GRIK3: variants seen among roughly 807,000 people sequenced by gnomAD.
GRIK3 encodes the protein glutamate receptor ionotropic, kainate 3.
Under a neutral mutation model 102.5 loss-of-function variants are expected in GRIK3, and 29 were observed. That is an observed-to-expected ratio of 0.28 (90% CI 0.21 to 0.39). The LOEUF is 0.39. Ranked by LOEUF, GRIK3 falls within the 10% of genes least tolerant of loss-of-function variation. The pLI is 1.00. For synonymous variants in GRIK3, 511 were observed against 504.9 expected (o/e 1.01, Z -0.16); for missense variants, 908 against 1,252.4 (o/e 0.73, Z 4.15).
At chr1:37,021,624 C>T (rs572140900) in intron 1 of GRIK3, among the ~76,000 whole-genome samples, 11 of 152,286 alleles carry the variant, frequency 7.2e-5, no homozygotes, top group Middle Eastern at 6.8e-3. Context: ...ACGGCTGTCA[C>T]CTCTATTAAA....
chr1:36,960,242 G>A (rs905902912), intron 1 of GRIK3, among the ~76,000 whole-genome samples: 2 of 148,598 alleles, frequency 1.3e-5, no homozygotes, highest in Non-Finnish European at 3.0e-5. Context: ...TGTGACCCAT[G>A]AGTCTGTGTG....
At chr1:36,966,793 C>T (rs189675613) in intron 1 of GRIK3, among the ~76,000 whole-genome samples, 15 of 152,180 alleles carry the variant, frequency 9.9e-5, no homozygotes, top group South Asian at 2.1e-4. Flanking sequence ...CATTCTCATA[C>T]TCATATGGAT....
intron 1 of GRIK3, among the ~76,000 whole-genome samples, chr1:36,951,599 T>C (rs1641844818): frequency 6.6e-6 from 1 of 152,180 alleles, no homozygotes. Context: ...GGCCCTGCAT[T>C]GGGGGACTGG....
At position 36,797,120 on chromosome 1, in the gene GRIK3, C is replaced by T. The variant is rs1642373609; in HGVS notation, c.*4731G>A. ...AGCTCTGATGTGTGGAGGGCCTTCG[C>T]CACCCCAAGGGGCTCTCTGAGACCT... On this transcript the variant is annotated 3_prime_UTR_variant, in exon 16 of 16. Coordinates refer to ENST00000373091, the MANE Select transcript of GRIK3 (RefSeq NM_000831.4). 6.6e-6 allele frequency: 1 copy of T among 151,682 alleles called. No individual in the cohort carries two copies. The highest frequency in any genetic ancestry group is 1.5e-5 in the Non-Finnish European group (1 of 67,996). The allele number at this position is 151,682 out of a possible 1,614,324, so 9.4% of individuals were successfully genotyped here.
intron 1 of GRIK3, among the ~76,000 whole-genome samples, chr1:37,026,338 G>A (rs59504622): frequency 0.014 from 2,191 of 152,192 alleles, 53 homozygotes; most frequent in African/African-American, 0.05. Context: ...AGACTGCTAG[G>A]CCCACCAACT....
chr1:36,859,378 G>T, intron 6 of GRIK3, 127 bp from the exon 7 acceptor site: 1 of 1,014,778 alleles, frequency 9.9e-7, no homozygotes, highest in Non-Finnish European at 1.4e-6. Context: ...AGGCCCAGAG[G>T]CCCTGGAGGT....
chr1:37,004,122 A>C (rs1642507267), intron 1 of GRIK3, among the ~76,000 whole-genome samples: 1 of 152,164 alleles, frequency 6.6e-6, no homozygotes, highest in African/African-American at 2.4e-5. Context: ...TTCTAAAAAA[A>C]ACCCCACACA....
At chr1:36,942,408 T>C (rs192854043) in intron 1 of GRIK3, among the ~76,000 whole-genome samples, 186 of 152,314 alleles carry the variant, frequency 1.2e-3, no homozygotes, top group African/African-American at 4.3e-3. Context: ...CAAAGGCTCC[T>C]CTGGTAAAGA....
At chr1:36,833,256 C>T (rs948120835) in intron 10 of GRIK3, among the ~76,000 whole-genome samples, 4 of 152,198 alleles carry the variant, frequency 2.6e-5, no homozygotes, top group African/African-American at 9.7e-5. Flanking sequence ...GATCCTGTCC[C>T]CTGCCTGCCT....
rs1240901812 is a variant in GRIK3, at chr1:36,806,409, G to T, written c.2092-83C>A. The stretch of plus-strand genomic sequence containing the variant: ...GCACCGCATACCCTGCACAACGTGG[G>T]TTGGGGCCTTGAACTCGGTCTACAA... On this transcript the variant is annotated intron_variant, in intron 13 of 15. Coordinates refer to ENST00000373091, the MANE Select transcript of GRIK3 (RefSeq NM_000831.4). The surrounding 1 kb of genome is among the most constrained non-coding windows in gnomAD (Gnocchi z 4.0). 2 of 806,850 alleles carry T rather than the reference G, an allele frequency of 2.5e-6. No individual in the cohort carries two copies. Among genetic ancestry groups the T allele is most frequent in the South Asian group, 3.3e-5 (2 of 60,486 alleles). The allele number at this position is 806,850 out of a possible 1,614,324, so 50.0% of individuals were successfully genotyped here. A position where few individuals can be genotyped will look rare whatever the true frequency, so the allele number is the denominator to read the frequency against.
rs1417520917 is a variant in GRIK3 at position 37,018,665 on chromosome 1, A to G, written c.115+15329T>C. ...GGCCTCAGATCCAGGATCAGGGAGC[A>G]AAGTCACTTGTAGAAAAAGCCACCT... On this transcript the variant is annotated intron_variant, in intron 1 of 15. Transcript: ENST00000373091. 2.0e-5 allele frequency among the ~76,000 whole-genome samples: 3 copies of G among 152,316 alleles called. No homozygotes were observed. The East Asian group carries it at 5.8e-4, about 29-fold the overall frequency.
At chr1:36,947,951 T>G (rs1418101934) in intron 1 of GRIK3, among the ~76,000 whole-genome samples, 1 of 152,118 alleles carries the variant, frequency 6.6e-6, no homozygotes, top group Non-Finnish European at 1.5e-5. Context: ...GCCTTTGCAC[T>G]TTTGCTGACT....
intron 1 of GRIK3, among the ~76,000 whole-genome samples, chr1:36,901,293 T>G (rs1274824313): frequency 6.6e-6 from 1 of 152,156 alleles, no homozygotes; most frequent in African/African-American, 2.4e-5. Flanking sequence ...AACAAAAAGT[T>G]AGCAAATTGA....
chr1:36,908,987 C>T (rs1641315834), intron 1 of GRIK3, among the ~76,000 whole-genome samples: 1 of 152,180 alleles, frequency 6.6e-6, no homozygotes, highest in Non-Finnish European at 1.5e-5. Context: ...ATGCCTTCCA[C>T]TCACTACATT....
intron 1 of GRIK3, among the ~76,000 whole-genome samples, chr1:37,025,213 A>G (rs981391730): frequency 2.6e-5 from 4 of 152,158 alleles, no homozygotes; most frequent in African/African-American, 9.7e-5. Context: ...TTCCCATTAC[A>G]GGTGGCATTC....
chr1:36,931,958 C>T (rs1641595546), intron 1 of GRIK3, among the ~76,000 whole-genome samples: 1 of 152,202 alleles, frequency 6.6e-6, no homozygotes, highest in Admixed American at 6.5e-5. Flanking sequence ...TCTGCATCAA[C>T]TCTTTAGCCA....
intron 1 of GRIK3, among the ~76,000 whole-genome samples, chr1:37,002,137 A>G (rs1330881536): frequency 6.6e-6 from 1 of 152,230 alleles, no homozygotes; most frequent in Non-Finnish European, 1.5e-5. Context: ...GCTTCTGCCA[A>G]TGTTGATTTG....
At chr1:36,814,104 C>A (rs541616895) in intron 13 of GRIK3, among the ~76,000 whole-genome samples, 1 of 152,096 alleles carries the variant, frequency 6.6e-6, no homozygotes, top group Non-Finnish European at 1.5e-5. Flanking sequence ...GCCATTTGCA[C>A]GGAAGGTGGG....
At chr1:37,002,514 T>C (rs915316842) in intron 1 of GRIK3, among the ~76,000 whole-genome samples, 3 of 152,240 alleles carry the variant, frequency 2.0e-5, no homozygotes, top group Non-Finnish European at 4.4e-5. Context: ...GCTGTGCACT[T>C]GAACTGCATC....
Sources: gnomAD v4.1 joint callset for allele counts (sites outside exome capture counted in the v4.1 genomes callset) on GRCh38, gnomAD v4.1.1 for gene constraint, Gnocchi (gnomAD v3.1) non-coding constraint, MANE v1.5 for transcripts, NCBI Gene and HGNC (gene_info 2026-07-23, HGNC 2026-07-21) for gene names.